RFX3: variants seen among roughly 807,000 people sequenced by gnomAD.
RFX3 encodes the protein transcription factor RFX3.
In RFX3, 14 loss-of-function variants were observed where a neutral mutation model predicts 98.6. That is an observed-to-expected ratio of 0.14 (90% CI 0.09 to 0.22). The LOEUF (loss-of-function observed/expected upper bound fraction) is 0.22, where lower values mean the gene tolerates loss of function less well. Among genes scored for constraint, RFX3 ranks in the 10% least tolerant of loss-of-function variants. The pLI is 1.00. For synonymous variants in RFX3, 383 were observed against 328.4 expected (o/e 1.17, Z -1.80); for missense variants, 639 against 926.9 (o/e 0.69, Z 4.03).
At chr9:3,299,964 A>G (rs186200891) in intron 5 of RFX3, among the ~76,000 whole-genome samples, 1 of 151,718 alleles carries the variant, frequency 6.6e-6, no homozygotes, top group Admixed American at 6.6e-5. Flanking sequence ...TGAAAGCACA[A>G]CTTGGAAGTC....
At chr9:3,377,354 A>G (rs2131639374) in intron 2 of RFX3, among the ~76,000 whole-genome samples, 1 of 152,236 alleles carries the variant, frequency 6.6e-6, no homozygotes, top group Middle Eastern at 3.4e-3. Context: ...ACAAAAAACC[A>G]AACACCGCAT....
intron 11 of RFX3, among the ~76,000 whole-genome samples, chr9:3,267,206 T>C (rs976010695): frequency 7.9e-5 from 12 of 151,990 alleles, no homozygotes; most frequent in African/African-American, 2.7e-4. Context: ...GGCTCCATAG[T>C]AATGTAGAGG....
At chr9:3,429,390 T>A (rs939649132) in intron 1 of RFX3, among the ~76,000 whole-genome samples, 1 of 149,516 alleles carries the variant, frequency 6.7e-6, no homozygotes, top group East Asian at 1.9e-4. Context: ...GTAATCTTAA[T>A]ATATACCAAT....
rs1817371386 is a variant in RFX3 at position 3,222,167 on chromosome 9, T to A, written c.*2875A>T. On this transcript the variant is annotated 3_prime_UTR_variant, in exon 17 of 17. Coordinates refer to ENST00000617270, the MANE Select transcript of RFX3 (RefSeq NM_001282116.2). Reference sequence around the variant, plus strand: ...ATTGATGAAAATGTTTGTGTGTATGTCTGTGCATGTTTTACTGTGAACTAC... The same window carrying A: ...ATTGATGAAAATGTTTGTGTGTATGACTGTGCATGTTTTACTGTGAACTAC... The A allele has an allele frequency of 6.6e-6, 1 of 152,296 alleles. No homozygotes were observed. Among genetic ancestry groups the A allele is most frequent in the Non-Finnish European group, 1.5e-5 (1 of 67,992 alleles). 9.4% of individuals were successfully genotyped at this position (152,296 alleles called of 1,614,324 possible).
intron 4 of RFX3, among the ~76,000 whole-genome samples, chr9:3,303,967 T>G (rs1163939010): frequency 6.6e-6 from 1 of 152,032 alleles, no homozygotes; most frequent in Non-Finnish European, 1.5e-5. Flanking sequence ...CTTAGGCCTG[T>G]GCCGAATTTG....
chr9:3,425,790 T>C (rs2132440223), intron 1 of RFX3, among the ~76,000 whole-genome samples: 1 of 152,346 alleles, frequency 6.6e-6, no homozygotes, highest in South Asian at 2.1e-4. Flanking sequence ...TACTAGACCA[T>C]GAGGTATTGT....
At chr9:3,316,721 A>G (rs1246630820) in intron 4 of RFX3, among the ~76,000 whole-genome samples, 5 of 152,206 alleles carry the variant, frequency 3.3e-5, no homozygotes, top group Non-Finnish European at 7.3e-5. Flanking sequence ...AAGCATTCCT[A>G]TACACCAATG....
At chr9:3,437,453 C>A (rs1489874718) in intron 1 of RFX3, among the ~76,000 whole-genome samples, 9 of 151,980 alleles carry the variant, frequency 5.9e-5, no homozygotes, top group Admixed American at 5.9e-4. Flanking sequence ...AACAAGAATA[C>A]CCTGATTTAT....
chr9:3,486,843 A>G (rs1239519888), intron 1 of RFX3, among the ~76,000 whole-genome samples: 1 of 152,168 alleles, frequency 6.6e-6, no homozygotes, highest in African/African-American at 2.4e-5. Context: ...TTTATTTTCT[A>G]TGTGCACATA....
At chr9:3,492,196 CCAAA>C (rs1395376172) in intron 1 of RFX3, among the ~76,000 whole-genome samples, 5 of 152,176 alleles carry the variant, frequency 3.3e-5, no homozygotes, top group Non-Finnish European at 7.3e-5. Context: ...CTACCAACTC[CCAAA>C]TACTGTCCTA....
Position 3,474,094 on chromosome 9 carries a change from C to T in RFX3, c.-9+51653G>A, listed in dbSNP as rs755383554. 1.0e-3 allele frequency among the ~76,000 whole-genome samples: 155 copies of T among 152,112 alleles called. 3 individuals carry two copies. The highest frequency in any genetic ancestry group is 2.8e-4 in the Non-Finnish European group (19 of 68,026). ...TGAGGCTGCTGGGCTGGGAACCACA[C>T]TTTGAGAACCACTGCTCTGCAAGTG... On this transcript the variant is annotated intron_variant, in intron 1 of 16. Transcript: ENST00000617270.
chr9:3,396,064 G>C (rs1267033448), intron 1 of RFX3, among the ~76,000 whole-genome samples: 1 of 148,856 alleles, frequency 6.7e-6, no homozygotes, highest in Admixed American at 6.7e-5. Flanking sequence ...TTTATACTTT[G>C]TTTTAGGGTA....
intron 1 of RFX3, among the ~76,000 whole-genome samples, chr9:3,402,621 C>T (rs2132046360): frequency 6.6e-6 from 1 of 151,676 alleles, no homozygotes; most frequent in Non-Finnish European, 1.5e-5. Flanking sequence ...AAACATAGAA[C>T]CAAAATTATT....
chr9:3,430,684 T>C lies in RFX3; in HGVS notation c.-8-35088A>G, dbSNP rs10972006. Reference sequence around the variant, plus strand: ...ATATGTTTTATATATCAGACTTCAATGTAATGTTGACCCTTGAAGAACACA... The same window carrying C: ...ATATGTTTTATATATCAGACTTCAACGTAATGTTGACCCTTGAAGAACACA... On this transcript the variant is annotated intron_variant, in intron 1 of 16. Transcript: ENST00000617270. 2.0e-3 allele frequency among the ~76,000 whole-genome samples: 303 copies of C among 152,290 alleles called. 11 individuals are homozygous for C. The East Asian group carries it at 0.053, about 27-fold the overall frequency.
intron 2 of RFX3, among the ~76,000 whole-genome samples, chr9:3,373,215 A>C (rs943362631): frequency 6.6e-6 from 1 of 152,132 alleles, no homozygotes; most frequent in Non-Finnish European, 1.5e-5. Context: ...AGTGAGAGAG[A>C]ATGGATGAGG....
At chr9:3,275,442 T>C (rs1399803559) in intron 9 of RFX3, 58 bp downstream of exon 9, 3 of 945,218 alleles carry the variant, frequency 3.2e-6, no homozygotes, top group Non-Finnish European at 5.1e-6. Context: ...TTATTTTATA[T>C]TAGCAAGTTA....
intron 1 of RFX3, among the ~76,000 whole-genome samples, chr9:3,414,924 A>ATGTGTG (rs1842820888): frequency 7.9e-6 from 1 of 127,082 alleles, no homozygotes; most frequent in African/African-American, 3.6e-5. Context: ...ATATATACTC[A>ATGTGTG]TATGTGTGTA....
intron 2 of RFX3, among the ~76,000 whole-genome samples, chr9:3,369,117 A>G (rs1363788959): frequency 2.0e-5 from 3 of 152,218 alleles, no homozygotes; most frequent in African/African-American, 7.2e-5. Context: ...AAAGATAGGA[A>G]GACAGTGAAG....
chr9:3,264,949 C>A (rs191501952), intron 12 of RFX3, among the ~76,000 whole-genome samples: 20 of 152,304 alleles, frequency 1.3e-4, no homozygotes, highest in Non-Finnish European at 2.6e-4. Context: ...GGTATTGTTA[C>A]AAATGTGACT....
Sources: gnomAD v4.1 joint callset for allele counts (sites outside exome capture counted in the v4.1 genomes callset) on GRCh38, gnomAD v4.1.1 for gene constraint, MANE v1.5 for transcripts, NCBI Gene and HGNC (gene_info 2026-07-23, HGNC 2026-07-21) for gene names.